The following PAPSS2 variants were observed in gnomAD, a reference collection of about 807,000 sequenced individuals.
PAPSS2 encodes 3'-phosphoadenosine 5'-phosphosulfate synthase 2.
In PAPSS2, 61 loss-of-function variants were observed where a neutral mutation model predicts 66.5. That is an observed-to-expected ratio of 0.92 (90% CI 0.75 to 1.14). PAPSS2 has a LOEUF of 1.14. PAPSS2 is among the 50% of genes most tolerant of loss of function. PAPSS2 has a pLI of 0.00. For missense variants in PAPSS2, 708 were observed against 789.6 expected (o/e 0.90, Z 1.24); for synonymous variants, 289 against 287.5 (o/e 1.01, Z -0.05).
intron 2 of PAPSS2, 23 bp from the exon 3 acceptor site, chr10:87,713,052 T>C (rs1248333993): frequency 7.5e-7 from 1 of 1,332,392 alleles, no homozygotes; most frequent in Non-Finnish European, 1.1e-6. Context: ...CCGATGTCAG[T>C]CTGTTTTATC....
chr10:87,743,353 C>A lies in PAPSS2; in HGVS notation c.1223-20C>A. The A allele has an allele frequency of 1.2e-6, 2 of 1,612,446 alleles. No homozygotes were observed. The highest frequency in any genetic ancestry group is 1.7e-6 in the Non-Finnish European group (2 of 1,179,748). ...ACCATGTGTTTCTGTGACCTTCCTT[C>A]TTCTGCTTTCCTCTCCCAGATGCGG... On this transcript the variant is annotated intron_variant, in intron 10 of 12. Transcript: ENST00000456849.
chr10:87,684,372 T>A (rs1853061960), intron 1 of PAPSS2, among the ~76,000 whole-genome samples: 1 of 152,210 alleles, frequency 6.6e-6, no homozygotes, highest in East Asian at 1.9e-4. Context: ...GTTGCAAAGG[T>A]AAGCTATATT....
chr10:87,710,062 C>G (rs1374617748), intron 2 of PAPSS2, among the ~76,000 whole-genome samples: 1 of 152,134 alleles, frequency 6.6e-6, no homozygotes, highest in Non-Finnish European at 1.5e-5. Context: ...AAAGGAAAAA[C>G]CAAGTTCATT....
chr10:87,701,323 C>CCTTT (rs1853305626), intron 1 of PAPSS2, among the ~76,000 whole-genome samples: 1 of 84,178 alleles, frequency 1.2e-5, no homozygotes, highest in Non-Finnish European at 2.2e-5. Flanking sequence ...TTCCTTCCTT[C>CCTTT]CTTCCTTTCT....
At chr10:87,663,837 A>C (rs1589416044) in intron 1 of PAPSS2, among the ~76,000 whole-genome samples, 1 of 152,328 alleles carries the variant, frequency 6.6e-6, no homozygotes, top group East Asian at 1.9e-4. Context: ...CATTTGTATT[A>C]AACTATACTG....
At position 87,724,849 on chromosome 10, in the gene PAPSS2, T is replaced by TACACACACACACACACAC. The variant is rs1468115844; in HGVS notation, c.881-2434_881-2433insCACACACACACACACACA. On this transcript the variant is annotated intron_variant, in intron 8 of 12. Transcript: ENST00000456849. ...TATAGGTATACAATAAATCTCTGTC[T>TACACACACACACACACAC]ATACACACACACACACACACACATA... 9.2e-4 allele frequency among the ~76,000 whole-genome samples: 48 copies of TACACACACACACACACAC among 52,078 alleles called. 1 individual carries two copies. The highest frequency in any genetic ancestry group is 1.9e-3 in the South Asian group (2 of 1,060). 34.2% of individuals were successfully genotyped at this position (52,078 alleles called of 152,430 possible). A position where few individuals can be genotyped will look rare whatever the true frequency, so the allele number is the denominator to read the frequency against.
intron 1 of PAPSS2, among the ~76,000 whole-genome samples, chr10:87,688,447 A>ATTTTAT (rs150325295): frequency 1.6e-4 from 14 of 89,890 alleles, no homozygotes; most frequent in African/African-American, 3.7e-4. Flanking sequence ...TTTTTATTTT[A>ATTTTAT]TTTATTTATT....
intron 1 of PAPSS2, chr10:87,703,658 G>GTGAAA (rs1564717454): frequency 1.6e-5 from 8 of 505,348 alleles, no homozygotes; most frequent in Non-Finnish European, 2.8e-5. Flanking sequence ...GAGCAAATCA[G>GTGAAA]CCGTGAAGCA....
chr10:87,726,010 C>T (rs1191977212), intron 8 of PAPSS2, among the ~76,000 whole-genome samples: 2 of 152,030 alleles, frequency 1.3e-5, no homozygotes, highest in East Asian at 3.9e-4. Context: ...TCCCAAAATG[C>T]TGGGATTATA....
At chr10:87,735,153 G>A (rs2131725820) in intron 9 of PAPSS2, among the ~76,000 whole-genome samples, 1 of 152,208 alleles carries the variant, frequency 6.6e-6, no homozygotes, top group South Asian at 2.1e-4. Flanking sequence ...TCTTTGGCAG[G>A]AAGCTTGGAA....
At chr10:87,680,582 C>T (rs1351997861) in intron 1 of PAPSS2, among the ~76,000 whole-genome samples, 1 of 151,718 alleles carries the variant, frequency 6.6e-6, no homozygotes, top group African/African-American at 2.4e-5. Flanking sequence ...CAGTCATGAC[C>T]CATATTTTTA....
At position 87,734,457 on chromosome 10, in the gene PAPSS2, G is replaced by A. The variant is rs573262766; in HGVS notation, c.1087-6778G>A. On this transcript the variant is annotated intron_variant, in intron 9 of 12. Transcript: ENST00000456849. ...CCACTGATGAGAGGCAGTGGGTGCA[G>A]TGATGAGAAGAATCTGGTTTGCAGG... is the stretch of plus-strand genomic sequence containing the variant. Among the ~76,000 whole-genome samples the A allele has an allele frequency of 1.6e-3, 241 of 152,024 alleles. 1 individual carries two copies. Among genetic ancestry groups the A allele is most frequent in the African/African-American group, 5.5e-3 (229 of 41,448 alleles).
In PAPSS2 at chr10:87,746,128, TAC is replaced by T. The variant is rs1474506818; in HGVS notation, c.*168_*169del. The T allele has an allele frequency of 2.5e-5, 14 of 568,826 alleles. No individual in the cohort carries two copies. The highest frequency in any genetic ancestry group is 3.1e-5 in the Admixed American group (1 of 31,934). The allele number at this position is 568,826 out of a possible 1,614,324, so 35.2% of individuals were successfully genotyped here. A position where few individuals can be genotyped will look rare whatever the true frequency, so the allele number is the denominator to read the frequency against. On this transcript the variant is annotated 3_prime_UTR_variant, in exon 13 of 13. Coordinates refer to ENST00000456849, the MANE Select transcript of PAPSS2 (RefSeq NM_001015880.2). Reference sequence around the variant, plus strand: ...ATAATTAAAAAAAAATATATATATATACACACACACATATACATACAAAGTCA... The same window carrying T: ...ATAATTAAAAAAAAATATATATATATACACACACATATACATACAAAGTCA...
intron 1 of PAPSS2, among the ~76,000 whole-genome samples, chr10:87,694,122 T>C (rs1037310054): frequency 3.3e-5 from 5 of 152,242 alleles, no homozygotes; most frequent in Non-Finnish European, 7.3e-5. Flanking sequence ...TTGCAAACAT[T>C]AGCAGGAACT....
At chr10:87,698,343 CT>C (rs563467320) in intron 1 of PAPSS2, among the ~76,000 whole-genome samples, 102 of 151,330 alleles carry the variant, frequency 6.7e-4, no homozygotes, top group Non-Finnish European at 1.2e-3. Flanking sequence ...TCTACTATAG[CT>C]TTTTTTTTGG....
intron 1 of PAPSS2, among the ~76,000 whole-genome samples, chr10:87,705,868 G>A (rs1454135887): frequency 6.6e-6 from 1 of 150,730 alleles, no homozygotes; most frequent in African/African-American, 2.4e-5. Flanking sequence ...CGAGTAGCTG[G>A]GATTACAGGC....
chr10:87,661,070 T>C, intron 1 of PAPSS2: 1 of 455,416 alleles, frequency 2.2e-6, no homozygotes, highest in Non-Finnish European at 4.4e-6. Context: ...GCCTGATAAA[T>C]GTTTATTCTT....
At chr10:87,725,069 GA>G (rs1853643012) in intron 8 of PAPSS2, among the ~76,000 whole-genome samples, 1 of 152,048 alleles carries the variant, frequency 6.6e-6, no homozygotes, top group African/African-American at 2.4e-5. Flanking sequence ...CTGATTGGAT[GA>G]GGCCCACTCA....
At chr10:87,672,404 G>A (rs1370675037) in intron 1 of PAPSS2, among the ~76,000 whole-genome samples, 1 of 152,128 alleles carries the variant, frequency 6.6e-6, no homozygotes, top group African/African-American at 2.4e-5. Flanking sequence ...ACATATTTTT[G>A]GATGCTTCTA....
Sources: gnomAD v4.1 joint callset for allele counts (sites outside exome capture counted in the v4.1 genomes callset) on GRCh38, gnomAD v4.1.1 for gene constraint, MANE v1.5 for transcripts, NCBI Gene and HGNC (gene_info 2026-07-23, HGNC 2026-07-21) for gene names.